Variants in ABLIM1 observed in about 807,000 individuals in gnomAD.
The protein encoded by ABLIM1 is actin binding LIM protein 1.
Under a neutral mutation model 107.0 loss-of-function variants are expected in ABLIM1, and 40 were observed. The ratio of observed to expected loss-of-function variants is 0.37; its 90% CI spans 0.29 to 0.49. The LOEUF (loss-of-function observed/expected upper bound fraction) is 0.49. Ranked by LOEUF, ABLIM1 falls within the 20% of genes least tolerant of loss-of-function variation. The probability of loss-of-function intolerance (pLI) is 0.97; values close to 1 mark genes in which losing one functional copy is unlikely to be tolerated. For missense variants in ABLIM1, 857 were observed against 1,008.5 expected (o/e 0.85, Z 2.04); for synonymous variants, 357 against 357.3 (o/e 1.00, Z 0.01).
At chr10:114,576,588 G>T (rs2072595176) in intron 2 of ABLIM1, among the ~76,000 whole-genome samples, 1 of 152,138 alleles carries the variant, frequency 6.6e-6, no homozygotes, top group Non-Finnish European at 1.5e-5. Flanking sequence ...TGCTCCCAGG[G>T]TTCATCTGCT....
intron 6 of ABLIM1, among the ~76,000 whole-genome samples, chr10:114,504,384 C>T (rs1169047097): frequency 6.7e-6 from 1 of 148,988 alleles, no homozygotes; most frequent in Non-Finnish European, 1.5e-5. Context: ...TCCCCACTCC[C>T]CCAACATCCT....
chr10:114,691,168 G>C (rs977109440), intron 1 of ABLIM1, among the ~76,000 whole-genome samples: 2 of 152,136 alleles, frequency 1.3e-5, no homozygotes, highest in South Asian at 2.1e-4. Context: ...GAAGAGCACA[G>C]ATTTGAACTC....
intron 4 of ABLIM1, among the ~76,000 whole-genome samples, chr10:114,570,141 G>A (rs1013639741): frequency 1.3e-5 from 2 of 152,152 alleles, no homozygotes; most frequent in African/African-American, 4.8e-5. Context: ...CCCAAGGACT[G>A]GCAAAAGCCA....
chr10:114,718,030 GGAGAAA>G lies in ABLIM1; in HGVS notation c.-213+50025_-213+50030del, dbSNP rs1247478532. On this transcript the variant is annotated intron_variant, in intron 1 of 15. Coordinates refer to the ABLIM1 transcript ENST00000651092. The stretch of plus-strand genomic sequence containing the variant: ...AGGAAGGAAGGAAGGAAGGAAGGAA[GGAGAAA>G]GAGAAAGAGAAAGAAAGAAAGAAAG... Among the ~76,000 whole-genome samples, 227 of 82,004 alleles carry G rather than the reference GGAGAAA, an allele frequency of 2.8e-3. 1 individual carries two copies. Among genetic ancestry groups the G allele is most frequent in the Non-Finnish European group, 4.1e-3 (171 of 41,912 alleles). The allele number at this position is 82,004 out of a possible 152,430, so 53.8% of individuals were successfully genotyped here. A position where few individuals can be genotyped will look rare whatever the true frequency, so the allele number is the denominator to read the frequency against.
chr10:114,489,033 T>C (rs978117948), intron 7 of ABLIM1, among the ~76,000 whole-genome samples: 2 of 152,192 alleles, frequency 1.3e-5, no homozygotes, highest in African/African-American at 4.8e-5. Context: ...TTTTTTTCTT[T>C]TGAGACAGAG....
intron 2 of ABLIM1, among the ~76,000 whole-genome samples, chr10:114,589,314 G>A (rs2074570718): frequency 6.6e-6 from 1 of 150,918 alleles, no homozygotes. Context: ...TAGATCACCT[G>A]AGGTCAGAAG....
intron 1 of ABLIM1, among the ~76,000 whole-genome samples, chr10:114,721,755 T>A (rs56300751): frequency 0.014 from 2,106 of 152,216 alleles, 48 homozygotes; most frequent in African/African-American, 0.047. Context: ...CCCAAAGTGC[T>A]GGGATTACAG....
chr10:114,660,117 C>G (rs1158682733), upstream of ABLIM1, among the ~76,000 whole-genome samples: 1 of 152,192 alleles, frequency 6.6e-6, no homozygotes, highest in Non-Finnish European at 1.5e-5. Context: ...TCTACCACTA[C>G]TGAAGTCACA....
intron 6 of ABLIM1, among the ~76,000 whole-genome samples, chr10:114,517,166 A>G (rs2062976797): frequency 6.6e-6 from 1 of 152,180 alleles, no homozygotes; most frequent in South Asian, 2.1e-4. Context: ...TCCCCCAAAG[A>G]TATGTCCAAC....
intron 1 of ABLIM1, among the ~76,000 whole-genome samples, chr10:114,691,061 A>G (rs1027425836): frequency 2.6e-5 from 4 of 152,148 alleles, no homozygotes; most frequent in Non-Finnish European, 5.9e-5. Context: ...CCTTCTAACA[A>G]CCTTAGGAGA....
intron 1 of ABLIM1, among the ~76,000 whole-genome samples, chr10:114,623,937 A>C (rs1462682712): frequency 6.6e-6 from 1 of 152,242 alleles, no homozygotes. Flanking sequence ...AATAACATTA[A>C]TTATGTCAGT....
intron 1 of ABLIM1, among the ~76,000 whole-genome samples, chr10:114,604,195 C>T (rs1482690483): frequency 6.6e-6 from 1 of 152,124 alleles, no homozygotes; most frequent in Admixed American, 6.5e-5. Context: ...GAAACAGAGC[C>T]GCAGAGCTGA....
intron 6 of ABLIM1, among the ~76,000 whole-genome samples, chr10:114,538,790 C>T (rs755176208): frequency 5.3e-5 from 8 of 152,280 alleles, no homozygotes; most frequent in African/African-American, 7.2e-5. Context: ...CAGTGTGGGA[C>T]GAGGGCCGAG....
intron 1 of ABLIM1, among the ~76,000 whole-genome samples, chr10:114,651,706 A>G (rs959131634): frequency 3.9e-5 from 6 of 152,208 alleles, no homozygotes; most frequent in African/African-American, 1.4e-4. Flanking sequence ...AATGCAAACT[A>G]TCTAATGCTT....
At chr10:114,730,958 G>A (rs1257156580) in intron 1 of ABLIM1, among the ~76,000 whole-genome samples, 2 of 152,002 alleles carry the variant, frequency 1.3e-5, no homozygotes, top group Non-Finnish European at 2.9e-5. Flanking sequence ...GTGTTTTCAA[G>A]GTCCATCCAT....
At chr10:114,479,277 A>G (rs2056977340) in intron 8 of ABLIM1, among the ~76,000 whole-genome samples, 1 of 152,206 alleles carries the variant, frequency 6.6e-6, no homozygotes, top group South Asian at 2.1e-4. Context: ...TCAGGCAGTT[A>G]ATCTCAAATA....
intron 1 of ABLIM1, among the ~76,000 whole-genome samples, chr10:114,653,523 G>A (rs879855697): frequency 1.5e-4 from 23 of 152,168 alleles, no homozygotes; most frequent in Admixed American, 1.4e-3. Flanking sequence ...CAGCCTCAGA[G>A]ACAGAGGGAG....
chr10:114,474,625 C>T (rs2067244209), intron 8 of ABLIM1, among the ~76,000 whole-genome samples: 1 of 152,084 alleles, frequency 6.6e-6, no homozygotes, highest in Non-Finnish European at 1.5e-5. Flanking sequence ...CGTGATCTGC[C>T]CGCCTCCACC....
intron 3 of ABLIM1, among the ~76,000 whole-genome samples, chr10:114,573,853 T>A (rs2138886306): frequency 6.6e-6 from 1 of 152,270 alleles, no homozygotes; most frequent in East Asian, 1.9e-4. Context: ...TGGGGCTCCA[T>A]GCCAGCCCAG....
Sources: allele counts gnomAD v4.1 joint callset (sites outside exome capture counted in the v4.1 genomes callset), GRCh38; gene constraint gnomAD v4.1.1; transcripts MANE v1.5; gene names NCBI Gene and HGNC (gene_info 2026-07-23, HGNC 2026-07-21).